LANCL2: variants seen among roughly 807,000 people sequenced by gnomAD.
The protein encoded by LANCL2 is LanC like glutathione S-transferase 2.
In LANCL2, 33 loss-of-function variants were observed where a neutral mutation model predicts 56.9. The ratio of observed to expected loss-of-function variants is 0.58; its 90% CI spans 0.44 to 0.78. LANCL2 has a LOEUF of 0.78. Among genes scored for constraint, LANCL2 ranks in the 30% least tolerant of loss-of-function variants. The probability of loss-of-function intolerance (pLI) is 0.00; values close to 1 mark genes in which losing one functional copy is unlikely to be tolerated. For missense variants in LANCL2, 562 were observed against 580.2 expected, an observed-to-expected ratio of 0.97 and a Z score of 0.32; for synonymous variants, 233 against 228.2, an observed-to-expected ratio of 1.02 and a Z score of -0.19.
intron 1 of LANCL2, among the ~76,000 whole-genome samples, chr7:55,383,836 C>T (rs1239346355): frequency 7.3e-6 from 1 of 137,320 alleles, no homozygotes; most frequent in African/African-American, 2.4e-5. Context: ...GACTTCGTCT[C>T]TCTCTATATA....
At chr7:55,394,296 G>T (rs1006022314) in intron 2 of LANCL2, among the ~76,000 whole-genome samples, 5 of 152,158 alleles carry the variant, frequency 3.3e-5, no homozygotes, top group Admixed American at 1.3e-4. Flanking sequence ...AGAAGGCTGG[G>T]CACAGTGGCT....
intron 1 of LANCL2, among the ~76,000 whole-genome samples, chr7:55,390,931 T>C (rs541791239): frequency 6.6e-6 from 1 of 151,822 alleles, no homozygotes; most frequent in Admixed American, 6.6e-5. Context: ...TTAATTCTTT[T>C]TATATATATA....
At chr7:55,417,964 G>A (rs1016774762) in intron 6 of LANCL2, among the ~76,000 whole-genome samples, 3 of 152,120 alleles carry the variant, frequency 2.0e-5, no homozygotes, top group African/African-American at 7.2e-5. Context: ...ACAGGCATGA[G>A]CCACTGTGCC....
intron 1 of LANCL2, among the ~76,000 whole-genome samples, chr7:55,370,951 A>G (rs1040562063): frequency 6.6e-6 from 1 of 152,274 alleles, no homozygotes; most frequent in African/African-American, 2.4e-5. Context: ...TGATACATAT[A>G]GGTAGTAAAA....
At chr7:55,379,262 G>A (rs905992148) in intron 1 of LANCL2, among the ~76,000 whole-genome samples, 1 of 152,238 alleles carries the variant, frequency 6.6e-6, no homozygotes, top group African/African-American at 2.4e-5. Context: ...ATGTGAGTGT[G>A]CATTAGGCCT....
intron 6 of LANCL2, among the ~76,000 whole-genome samples, chr7:55,415,617 C>CTTTTTTTTTTTTTTTTTTTT (rs1790526930): frequency 1.6e-5 from 1 of 60,834 alleles, no homozygotes; most frequent in Non-Finnish European, 3.8e-5. Flanking sequence ...CATTGTTTTT[C>CTTTTTTTTTTTTTTTTTTTT]TTTCTTTTTT....
intron 8 of LANCL2, among the ~76,000 whole-genome samples, chr7:55,430,912 A>G (rs815987): frequency 0.89 from 135,077 of 152,284 alleles, 60,253 homozygotes; most frequent in African/African-American, 0.95. Context: ...AGCTCCGTGT[A>G]TAGGAATATC....
chr7:55,416,969 G>GTTTTTTTTTTTT (rs869116156), intron 6 of LANCL2, among the ~76,000 whole-genome samples: 2 of 81,658 alleles, frequency 2.4e-5, no homozygotes. Context: ...AAACGAGGTG[G>GTTTTTTTTTTTT]TTTTTTTTTT....
intron 6 of LANCL2, among the ~76,000 whole-genome samples, chr7:55,418,811 T>C (rs966432444): frequency 3.9e-5 from 6 of 152,200 alleles, no homozygotes; most frequent in Non-Finnish European, 8.8e-5. Flanking sequence ...TTTCCTTTTA[T>C]TACTGGTTAT....
Position 55,366,235 on chromosome 7 carries a change from T to G in LANCL2, c.204+6T>G. On this transcript the variant is annotated splice_donor_region_variant and intron_variant, in intron 1 of 8. Coordinates refer to ENST00000254770, the MANE Select transcript of LANCL2 (RefSeq NM_018697.4). ...CTTTTCATCAGGACGGGAAGGTGAGTCGGCGGCCTGGCCGCAGAGGCGCCG... is the reference window on the plus strand; with the variant it reads ...CTTTTCATCAGGACGGGAAGGTGAGGCGGCGGCCTGGCCGCAGAGGCGCCG... The G allele has an allele frequency of 4.7e-6, 7 of 1,487,290 alleles. No individual in the cohort carries two copies. Among genetic ancestry groups the G allele is most frequent in the Non-Finnish European group, 6.3e-6 (7 of 1,111,642 alleles). The allele number at this position is 1,487,290 out of a possible 1,614,324, so 92.1% of individuals were successfully genotyped here. A position where few individuals can be genotyped will look rare whatever the true frequency, so the allele number is the denominator to read the frequency against.
intron 1 of LANCL2, among the ~76,000 whole-genome samples, chr7:55,373,417 A>G (rs1789967608): frequency 1.3e-5 from 2 of 151,924 alleles, no homozygotes; most frequent in Admixed American, 6.6e-5. Flanking sequence ...CAGCCTCCCA[A>G]GTAGCTGGGA....
At chr7:55,419,969 A>AC (rs1171390091) in intron 6 of LANCL2, among the ~76,000 whole-genome samples, 1 of 152,238 alleles carries the variant, frequency 6.6e-6, no homozygotes, top group Non-Finnish European at 1.5e-5. Flanking sequence ...CCTGGGCAAC[A>AC]TAGTGAGACC....
At chr7:55,408,289 G>C (rs2128994811) in intron 5 of LANCL2, among the ~76,000 whole-genome samples, 1 of 152,288 alleles carries the variant, frequency 6.6e-6, no homozygotes, top group South Asian at 2.1e-4. Flanking sequence ...AATCCAGGAG[G>C]TTCAGCATGT....
intron 6 of LANCL2, among the ~76,000 whole-genome samples, chr7:55,417,769 C>G (rs1301043233): frequency 6.7e-6 from 1 of 149,288 alleles, no homozygotes; most frequent in East Asian, 2.0e-4. Context: ...ACCTCCGCCT[C>G]CCAGGTTCAA....
At chr7:55,398,991 A>C (rs557448016) in intron 3 of LANCL2, among the ~76,000 whole-genome samples, 60 of 152,256 alleles carry the variant, frequency 3.9e-4, no homozygotes, top group Non-Finnish European at 7.1e-4. Context: ...TGGAACAATT[A>C]GGGAATGTAA....
At chr7:55,387,233 AG>A (rs1341940896) in intron 1 of LANCL2, among the ~76,000 whole-genome samples, 5 of 152,236 alleles carry the variant, frequency 3.3e-5, no homozygotes, top group Non-Finnish European at 7.3e-5. Flanking sequence ...CATGACTCAT[AG>A]GAACAGTGTG....
At chr7:55,401,551 T>TG (rs1790327708) in intron 5 of LANCL2, among the ~76,000 whole-genome samples, 4 of 40,180 alleles carry the variant, frequency 1.0e-4, no homozygotes. Flanking sequence ...TCCAATTTTC[T>TG]TTTTTTTTTT....
intron 8 of LANCL2, among the ~76,000 whole-genome samples, chr7:55,429,018 G>A (rs936318135): frequency 4.6e-5 from 7 of 152,152 alleles, no homozygotes; most frequent in Admixed American, 6.5e-5. Context: ...AAACAGGCCC[G>A]GATATTCGTT....
At position 55,431,545 on chromosome 7, in the gene LANCL2, TG is replaced by T; in HGVS notation, c.*226del. 1 of 478,896 alleles carries T rather than the reference TG, an allele frequency of 2.1e-6. No individual in the cohort carries two copies. Among genetic ancestry groups the T allele is most frequent in the Non-Finnish European group, 3.7e-6 (1 of 271,468 alleles). The allele number at this position is 478,896 out of a possible 1,614,324, so 29.7% of individuals were successfully genotyped here. A position where few individuals can be genotyped will look rare whatever the true frequency, so the allele number is the denominator to read the frequency against. ...TCACATACAGATTCTCTGTAGTGTT[TG>T]CATGTTTCTTGGTGTTTGTTGTCTC... On this transcript the variant is annotated 3_prime_UTR_variant, in exon 9 of 9. Coordinates refer to ENST00000254770, the MANE Select transcript of LANCL2 (RefSeq NM_018697.4).
Sources: allele counts gnomAD v4.1 joint callset (sites outside exome capture counted in the v4.1 genomes callset), GRCh38; gene constraint gnomAD v4.1.1; transcripts MANE v1.5; gene names NCBI Gene and HGNC (gene_info 2026-07-23, HGNC 2026-07-21).